SGK1: variants seen among roughly 807,000 people sequenced by gnomAD.
The protein encoded by SGK1 is serum/glucocorticoid regulated kinase 1.
A neutral mutation model predicts 64.2 loss-of-function variants in SGK1; 26 were observed. The observed-to-expected ratio is 0.40, with a 90% confidence interval of 0.30 to 0.56. SGK1 has a LOEUF of 0.56. Among genes scored for constraint, SGK1 ranks in the 20% least tolerant of loss-of-function variants. SGK1 has a pLI of 0.38. For missense variants in SGK1, 519 were observed against 645.6 expected (o/e 0.80, Z 2.12); for synonymous variants, 265 against 239.7 (o/e 1.11, Z -0.98).
chr6:134,271,969 G>A (rs1776945838), intron 1 of SGK1, among the ~76,000 whole-genome samples: 1 of 146,668 alleles, frequency 6.8e-6, no homozygotes, highest in Non-Finnish European at 1.5e-5. Context: ...AGCCTCCCGA[G>A]TAACTAGGAC....
intron 3 of SGK1, chr6:134,177,904 G>A (rs780709471): frequency 2.1e-6 from 3 of 1,449,612 alleles, no homozygotes; most frequent in Non-Finnish European, 2.8e-6. Flanking sequence ...CAGGAAGGGA[G>A]CAAGCTGCAA....
rs762582048 is a variant in SGK1, at chr6:134,262,012, A to G, written c.206T>C (p.Leu69Pro). ...DFESSLCQTC[L>P]GEHAFQRGVL... ...CCCTCTTTGGAAAGCATGTTCACCC[A>G]GGCATGTTTGACACAAGGAAGACTC... is the stretch of plus-strand genomic sequence containing the variant. Residue 69 changes from leucine to proline, a missense_variant, in exon 2 of 14, where the codon CTG becomes CCG. Leu to Pro is a moderately conservative substitution (Grantham distance 98). Coordinates refer to ENST00000367858, the MANE Select transcript of SGK1 (RefSeq NM_001143676.3). 6.2e-7 allele frequency: 1 copy of G among 1,613,948 alleles called. No homozygotes were observed. Among genetic ancestry groups the G allele is most frequent in the African/African-American group, 1.3e-5 (1 of 75,038 alleles).
intron 1 of SGK1, among the ~76,000 whole-genome samples, chr6:134,284,942 G>A (rs1384656429): frequency 6.6e-6 from 1 of 152,168 alleles, no homozygotes; most frequent in Non-Finnish European, 1.5e-5. Flanking sequence ...ATTGGCTGAT[G>A]GGCAGTTAGG....
intron 2 of SGK1, among the ~76,000 whole-genome samples, chr6:134,247,030 A>AAT (rs149172747): frequency 0.013 from 2,041 of 152,076 alleles, 25 homozygotes; most frequent in Non-Finnish European, 0.02. Flanking sequence ...AATATTAGGT[A>AAT]ATAGCAAGTA....
intron 1 of SGK1, among the ~76,000 whole-genome samples, chr6:134,273,398 G>A (rs1338962193): frequency 1.4e-5 from 2 of 146,466 alleles, no homozygotes; most frequent in African/African-American, 2.5e-5. Flanking sequence ...AAACCATCCC[G>A]GCTAAAACGG....
intron 3 of SGK1, among the ~76,000 whole-genome samples, chr6:134,182,745 A>G (rs532489816): frequency 6.6e-6 from 1 of 152,330 alleles, no homozygotes; most frequent in Admixed American, 6.5e-5. Flanking sequence ...CCTATGTGAC[A>G]GGAATTCCGT....
rs1582678620 is a variant in SGK1, at chr6:134,170,712, T to A, written c.1413+114A>T. 4 of 794,978 alleles carry A rather than the reference T, an allele frequency of 5.0e-6. No individual in the cohort carries two copies. The East Asian group carries it at 9.8e-5, about 20-fold the overall frequency. The allele number at this position is 794,978 out of a possible 1,614,324, so 49.2% of individuals were successfully genotyped here. A position where few individuals can be genotyped will look rare whatever the true frequency, so the allele number is the denominator to read the frequency against. Reference sequence around the variant, plus strand: ...CTTTTTATGTAGGTAAAATAACAGGTTTATGGAGAAAACATCTGCCAATGT... The same window carrying A: ...CTTTTTATGTAGGTAAAATAACAGGATTATGGAGAAAACATCTGCCAATGT... On this transcript the variant is annotated intron_variant, in intron 13 of 13. Coordinates refer to ENST00000367858, the MANE Select transcript of SGK1 (RefSeq NM_001143676.3).
At chr6:134,287,613 A>C (rs960840031) in intron 1 of SGK1, among the ~76,000 whole-genome samples, 3 of 151,546 alleles carry the variant, frequency 2.0e-5, no homozygotes, top group Non-Finnish European at 2.9e-5. Flanking sequence ...TATTTTAATA[A>C]GACTACTATA....
At chr6:134,240,572 C>T (rs1325989153) in intron 2 of SGK1, among the ~76,000 whole-genome samples, 1 of 152,152 alleles carries the variant, frequency 6.6e-6, no homozygotes, top group African/African-American at 2.4e-5. Context: ...GGAAATAATG[C>T]TATCTCTTAC....
intron 2 of SGK1, among the ~76,000 whole-genome samples, chr6:134,246,956 A>G (rs1776534143): frequency 6.6e-6 from 1 of 152,198 alleles, no homozygotes; most frequent in Admixed American, 6.5e-5. Context: ...TGGACTTTGA[A>G]CTAAGATCTA....
chr6:134,275,418 A>G (rs1179299492), intron 1 of SGK1, among the ~76,000 whole-genome samples: 1 of 152,146 alleles, frequency 6.6e-6, no homozygotes, highest in East Asian at 1.9e-4. Flanking sequence ...GTTGCTACCT[A>G]GCTTTAAACT....
At position 134,273,193 on chromosome 6, in the gene SGK1, G is replaced by C. The variant is rs900757560; in HGVS notation, c.70-11045C>G. ...CCAGGTGAATCCTTCACAAATATTT[G>C]CTATTGTGGTTATGGCTTCATTCCA... On this transcript the variant is annotated intron_variant, in intron 1 of 13. Coordinates refer to ENST00000367858, the MANE Select transcript of SGK1 (RefSeq NM_001143676.3). 4.1e-5 allele frequency among the ~76,000 whole-genome samples: 6 copies of C among 147,534 alleles called. 1 individual carries two copies. Among genetic ancestry groups the C allele is most frequent in the Non-Finnish European group, 7.5e-5 (5 of 66,694 alleles).
chr6:134,312,166 A>C (rs2114803520), intron 1 of SGK1, among the ~76,000 whole-genome samples: 1 of 152,336 alleles, frequency 6.6e-6, no homozygotes, highest in East Asian at 1.9e-4. Flanking sequence ...GATTTTTAAC[A>C]AATCAGTTAA....
intron 3 of SGK1, among the ~76,000 whole-genome samples, chr6:134,206,338 G>A (rs12193187): frequency 3.1e-5 from 1 of 32,762 alleles, no homozygotes; most frequent in African/African-American, 8.5e-5. Flanking sequence ...TGTACCTGAT[G>A]ATATATATAT....
At chr6:134,248,619 T>C (rs1017629843) in intron 2 of SGK1, among the ~76,000 whole-genome samples, 3 of 151,860 alleles carry the variant, frequency 2.0e-5, no homozygotes, top group African/African-American at 7.3e-5. Flanking sequence ...GCCCAGATAG[T>C]TTTTATATTT....
At chr6:134,252,116 G>A (rs1484106552) in intron 2 of SGK1, among the ~76,000 whole-genome samples, 1 of 152,132 alleles carries the variant, frequency 6.6e-6, no homozygotes, top group Non-Finnish European at 1.5e-5. Context: ...GCTATTGTTT[G>A]GTTGATTCTT....
intron 3 of SGK1, among the ~76,000 whole-genome samples, chr6:134,189,834 T>TG (rs1476710710): frequency 4.0e-5 from 5 of 125,002 alleles, no homozygotes; most frequent in South Asian, 2.5e-4. Flanking sequence ...TTGTAAGTAC[T>TG]GTTTTTTTTG....
Position 134,170,275 on chromosome 6 carries a change from A to G in SGK1, c.1574T>C (p.Phe525Ser). The change falls in exon 14 of 14, where the codon TTC becomes TCC. Residue 525 changes from phenylalanine to serine, a missense_variant. Around this residue, in one of 2 missense-constraint regions of SGK1, gnomAD observed 278 missense variants for 408.7 expected, o/e 0.68. Transcript: ENST00000367858. ...ACCAAGCCCTAACAGGGTTCAGAGG[A>G]AAGAGTCCGTGGGAGGCGCATAGGA... ...GFSYAPPTDS[F>S]L 1 of 1,611,512 alleles carries G rather than the reference A, an allele frequency of 6.2e-7. No individual in the cohort carries two copies. Among genetic ancestry groups the G allele is most frequent in the Non-Finnish European group, 8.5e-7 (1 of 1,178,020 alleles).
At chr6:134,206,357 A>ACATTTTTTT (rs1775772887) in intron 3 of SGK1, among the ~76,000 whole-genome samples, 1 of 5,712 alleles carries the variant, frequency 1.8e-4, no homozygotes, top group African/African-American at 4.4e-4. Context: ...ATATATATAT[A>ACATTTTTTT]TATATATATA....
Sources: allele counts gnomAD v4.1 joint callset (sites outside exome capture counted in the v4.1 genomes callset), GRCh38; gene constraint gnomAD v4.1.1; regional missense constraint gnomAD v4.1.1; transcripts MANE v1.5; gene names NCBI Gene and HGNC (gene_info 2026-07-23, HGNC 2026-07-21).